SOS1: variants seen among roughly 807,000 people sequenced by gnomAD.
The protein encoded by SOS1 is son of sevenless homolog 1.
SOS1 carries 25 observed loss-of-function variants against 157.6 expected under a neutral mutation model. The observed-to-expected ratio is 0.16, with a 90% CI of 0.12 to 0.22. The LOEUF (loss-of-function observed/expected upper bound fraction) is 0.22. SOS1 is among the 10% of genes least tolerant of loss of function. The pLI is 1.00. For synonymous variants in SOS1, 528 were observed against 534.0 expected, an observed-to-expected ratio of 0.99 and a Z score of 0.16; for missense variants, 1,237 against 1,599.1, an observed-to-expected ratio of 0.77 and a Z score of 3.86.
At chr2:39,058,247 G>A (rs1671283840) in intron 3 of SOS1, among the ~76,000 whole-genome samples, 1 of 151,956 alleles carries the variant, frequency 6.6e-6, no homozygotes, top group African/African-American at 2.4e-5. Flanking sequence ...GGAGAGTTTA[G>A]GTTATCTTTT....
intron 10 of SOS1, among the ~76,000 whole-genome samples, chr2:39,020,357 C>G (rs1193764211): frequency 6.6e-6 from 1 of 151,704 alleles, no homozygotes; most frequent in East Asian, 1.9e-4. Flanking sequence ...CTATAATAAT[C>G]TAAAAGATGT....
At chr2:39,012,640 T>C (rs1454031796) in intron 13 of SOS1, among the ~76,000 whole-genome samples, 2 of 152,148 alleles carry the variant, frequency 1.3e-5, no homozygotes, top group Non-Finnish European at 2.9e-5. Context: ...CATCCCATTG[T>C]TCTGATCTTC....
chr2:38,987,245 A>C (rs1256752031), intron 22 of SOS1, among the ~76,000 whole-genome samples: 1 of 152,196 alleles, frequency 6.6e-6, no homozygotes, highest in African/African-American at 2.4e-5. Context: ...TTTTCTGAAA[A>C]TAACCATAGC....
intron 6 of SOS1, among the ~76,000 whole-genome samples, chr2:39,038,022 C>T (rs1344300503): frequency 2.6e-5 from 4 of 152,164 alleles, no homozygotes; most frequent in Admixed American, 2.6e-4. Flanking sequence ...TCTCTTAACA[C>T]AACATCCATT....
chr2:39,049,385 C>T (rs866893502), intron 6 of SOS1, among the ~76,000 whole-genome samples: 4 of 152,162 alleles, frequency 2.6e-5, no homozygotes, highest in Non-Finnish European at 2.9e-5. Flanking sequence ...ATTTAATTCT[C>T]GAAATCTCTG....
At chr2:39,070,434 T>C (rs1194497246) in intron 1 of SOS1, among the ~76,000 whole-genome samples, 2 of 152,178 alleles carry the variant, frequency 1.3e-5, no homozygotes, top group African/African-American at 4.8e-5. Flanking sequence ...TAGAGTTCCA[T>C]ATCTTCCTCC....
intron 20 of SOS1, among the ~76,000 whole-genome samples, chr2:38,991,924 C>T (rs1274365276): frequency 6.6e-6 from 1 of 151,764 alleles, no homozygotes; most frequent in Non-Finnish European, 1.5e-5. Context: ...GGGAAAAAAC[C>T]GTAAGAGTAA....
chr2:39,050,036 T>TTA (rs1430085649), intron 6 of SOS1, among the ~76,000 whole-genome samples: 1 of 152,172 alleles, frequency 6.6e-6, no homozygotes, highest in Non-Finnish European at 1.5e-5. Context: ...TCAAGTCTAG[T>TTA]TATATATATA....
At chr2:39,009,137 G>C (rs1558467220) in intron 15 of SOS1, among the ~76,000 whole-genome samples, 1 of 151,996 alleles carries the variant, frequency 6.6e-6, no homozygotes, top group African/African-American at 2.4e-5. Flanking sequence ...GCATCGAAGA[G>C]AGGATATCAT....
intron 15 of SOS1, chr2:39,007,434 G>A (rs1669316075): frequency 4.1e-6 from 2 of 488,876 alleles, no homozygotes; most frequent in African/African-American, 1.9e-5. Flanking sequence ...TATATTTGGT[G>A]CATCCTCTAT....
At chr2:39,082,046 T>C (rs1415184663) in intron 1 of SOS1, among the ~76,000 whole-genome samples, 1 of 152,214 alleles carries the variant, frequency 6.6e-6, no homozygotes, top group African/African-American at 2.4e-5. Context: ...TTACCCTTTG[T>C]GTTACAAACA....
chr2:39,070,298 C>T (rs1671751305), intron 1 of SOS1, among the ~76,000 whole-genome samples: 1 of 152,234 alleles, frequency 6.6e-6, no homozygotes, highest in African/African-American at 2.4e-5. Context: ...GCTACCACCA[C>T]ATGGTAGGCT....
At chr2:39,090,194 T>G (rs1672540758) in intron 1 of SOS1, among the ~76,000 whole-genome samples, 1 of 149,136 alleles carries the variant, frequency 6.7e-6, no homozygotes. Flanking sequence ...GACTACTAAA[T>G]AGCAAATAAT....
intron 19 of SOS1, among the ~76,000 whole-genome samples, chr2:38,995,656 T>C (rs913114452): frequency 8.5e-5 from 13 of 152,226 alleles, no homozygotes; most frequent in African/African-American, 1.4e-4. Context: ...TTTAATACAT[T>C]TGGGTAGAAG....
chr2:39,116,011 C>A (rs577303019), intron 1 of SOS1, among the ~76,000 whole-genome samples: 8 of 152,136 alleles, frequency 5.3e-5, no homozygotes, highest in Non-Finnish European at 1.2e-4. Flanking sequence ...TGCTGACGAA[C>A]ATTGGATTGT....
intron 1 of SOS1, among the ~76,000 whole-genome samples, chr2:39,097,775 G>A (rs1311621408): frequency 6.6e-6 from 1 of 152,110 alleles, no homozygotes; most frequent in African/African-American, 2.4e-5. Flanking sequence ...ATGTTGCCCA[G>A]GCATGTCTTG....
At chr2:39,039,095 T>C (rs977445332) in intron 6 of SOS1, among the ~76,000 whole-genome samples, 5 of 152,208 alleles carry the variant, frequency 3.3e-5, no homozygotes, top group African/African-American at 9.6e-5. Context: ...AGAGGATTAT[T>C]AGCATTTTCT....
chr2:39,057,688 AT>A (rs1158858255), intron 3 of SOS1, among the ~76,000 whole-genome samples: 1 of 152,126 alleles, frequency 6.6e-6, no homozygotes, highest in East Asian at 1.9e-4. Flanking sequence ...GATTATTAAC[AT>A]AATATTTATA....
chr2:39,116,841 CAAAACAAACAAACAAAACA>C (rs1053787704), intron 1 of SOS1, among the ~76,000 whole-genome samples: 35 of 152,098 alleles, frequency 2.3e-4, no homozygotes, highest in African/African-American at 7.9e-4. Context: ...GACTCTGTCT[CAAAACAAACAAACAAAACA>C]AAAACAAACA....
Sources: allele counts gnomAD v4.1 joint callset (sites outside exome capture counted in the v4.1 genomes callset), GRCh38; gene constraint gnomAD v4.1.1; transcripts MANE v1.5; gene names NCBI Gene and HGNC (gene_info 2026-07-23, HGNC 2026-07-21).